EYS: variants seen among roughly 807,000 people sequenced by gnomAD.
The protein encoded by EYS is EGF-like photoreceptor maintenance factor.
Under a neutral mutation model 282.1 loss-of-function variants are expected in EYS, and 250 were observed. The observed-to-expected ratio is 0.89, with a 90% confidence interval of 0.80 to 0.98. EYS has a LOEUF of 0.98. EYS is among the 50% of genes least tolerant of loss of function. The pLI, the probability that EYS is intolerant of heterozygous loss-of-function variation, is 0.00. For missense variants in EYS, 4,016 were observed against 3,709.0 expected, an observed-to-expected ratio of 1.08 and a Z score of -2.15; for synonymous variants, 1,355 against 1,282.9, an observed-to-expected ratio of 1.06 and a Z score of -1.20.
At chr6:65,105,938 G>A (rs1298816412) in intron 12 of EYS, among the ~76,000 whole-genome samples, 3 of 151,902 alleles carry the variant, frequency 2.0e-5, no homozygotes, top group African/African-American at 7.2e-5. Flanking sequence ...AAGCAAAAAA[G>A]ATGAAAAAGT....
intron 12 of EYS, among the ~76,000 whole-genome samples, chr6:65,231,251 A>G (rs2150268226): frequency 6.7e-6 from 1 of 148,856 alleles, no homozygotes; most frequent in Non-Finnish European, 1.5e-5. Context: ...TTTAAGCAAT[A>G]ATATCCTGCA....
At chr6:65,329,903 A>G in intron 11 of EYS, 1 of 979,672 alleles carries the variant, frequency 1.0e-6, no homozygotes, top group South Asian at 4.7e-5. Context: ...TAGATTCTAC[A>G]CTTTGAAACA....
rs537953728 is a variant in EYS, at chr6:65,494,240, AT to A, written c.748+422del. Among the ~76,000 whole-genome samples the A allele has an allele frequency of 5.9e-5, 9 of 151,446 alleles. No individual in the cohort carries two copies. In the South Asian group the frequency reaches 1.7e-3, roughly 28 times the overall value. ...CAGCCAAATCCAAGGAATCTATTAA[AT>A]TTTTTATTTATTTTTATTTATTTAT... On this transcript the variant is annotated intron_variant, in intron 4 of 42. Coordinates refer to ENST00000503581, the MANE Select transcript of EYS (RefSeq NM_001142800.2).
At chr6:64,532,771 A>T (rs949621563) in intron 26 of EYS, among the ~76,000 whole-genome samples, 5 of 152,116 alleles carry the variant, frequency 3.3e-5, no homozygotes, top group African/African-American at 1.2e-4. Context: ...ATTTACTACA[A>T]TGTTTGTGAT....
chr6:64,589,658 CCTT>C (rs1478103901), intron 26 of EYS, among the ~76,000 whole-genome samples: 2 of 151,908 alleles, frequency 1.3e-5, no homozygotes, highest in Non-Finnish European at 2.9e-5. Context: ...GATATTATCT[CCTT>C]CAATTTTTGC....
At chr6:65,289,028 A>G (rs1344349113) in intron 12 of EYS, among the ~76,000 whole-genome samples, 1 of 151,040 alleles carries the variant, frequency 6.6e-6, no homozygotes, top group Non-Finnish European at 1.5e-5. Context: ...GAATGGATGA[A>G]ACAAATAAAA....
intron 26 of EYS, among the ~76,000 whole-genome samples, chr6:64,553,556 C>A (rs1056618232): frequency 1.5e-5 from 2 of 137,378 alleles, no homozygotes; most frequent in Non-Finnish European, 3.2e-5. Context: ...CCCCCCCCCC[C>A]CCATAGGCAG....
At chr6:63,744,119 G>C (rs565266618) in intron 41 of EYS, 1 of 152,182 alleles carries the variant, frequency 6.6e-6, no homozygotes, top group East Asian at 1.9e-4. Context: ...TATTTTAGTG[G>C]CTTCTCTTTT....
chr6:63,876,303 G>T (rs1454151161), intron 35 of EYS, among the ~76,000 whole-genome samples: 2 of 152,170 alleles, frequency 1.3e-5, no homozygotes, highest in East Asian at 3.9e-4. Context: ...TTTTAATCCT[G>T]TGTTCTGGTT....
At chr6:64,324,333 C>T (rs1298858498) in intron 29 of EYS, among the ~76,000 whole-genome samples, 1 of 152,136 alleles carries the variant, frequency 6.6e-6, no homozygotes, top group African/African-American at 2.4e-5. Flanking sequence ...TCAACATATG[C>T]AAATCAATAA....
intron 14 of EYS, among the ~76,000 whole-genome samples, chr6:64,960,459 T>C (rs926199245): frequency 4.6e-5 from 7 of 152,272 alleles, no homozygotes; most frequent in Admixed American, 4.6e-4. Flanking sequence ...GAATACAGTG[T>C]TTTGTATAAC....
chr6:65,203,886 T>G (rs537463111), intron 12 of EYS, among the ~76,000 whole-genome samples: 1 of 150,408 alleles, frequency 6.6e-6, no homozygotes, highest in Admixed American at 6.6e-5. Context: ...TTTAAATAAC[T>G]GGAAATAAAA....
chr6:65,328,673 G>A (rs560923240), intron 11 of EYS, among the ~76,000 whole-genome samples: 17 of 150,698 alleles, frequency 1.1e-4, no homozygotes, highest in African/African-American at 1.7e-4. Flanking sequence ...ATGATAGAAA[G>A]TAAAAAGCAG....
intron 5 of EYS, among the ~76,000 whole-genome samples, chr6:65,476,038 A>G (rs1765392255): frequency 6.6e-6 from 1 of 152,052 alleles, no homozygotes; most frequent in Admixed American, 6.6e-5. Flanking sequence ...TTTGTCAGGG[A>G]GAAGATATGA....
intron 24 of EYS, among the ~76,000 whole-genome samples, chr6:64,598,286 C>A (rs1162385): frequency 0.12 from 18,636 of 152,180 alleles, 1,183 homozygotes; most frequent in East Asian, 0.17. Context: ...CGGTGAAACC[C>A]CGTCCCTACT....
intron 12 of EYS, among the ~76,000 whole-genome samples, chr6:65,258,974 G>A (rs530903750): frequency 3.0e-4 from 46 of 152,056 alleles, no homozygotes; most frequent in Middle Eastern, 3.4e-3. Context: ...CTGGAGGGGA[G>A]TACAGAAGAA....
chr6:65,375,495 C>G (rs868603642), intron 8 of EYS, among the ~76,000 whole-genome samples: 2 of 152,030 alleles, frequency 1.3e-5, no homozygotes, highest in African/African-American at 4.8e-5. Context: ...CAAATGATCA[C>G]GACTCCTCTC....
intron 14 of EYS, among the ~76,000 whole-genome samples, chr6:64,979,954 A>G (rs1180095214): frequency 6.6e-6 from 1 of 151,584 alleles, no homozygotes; most frequent in South Asian, 2.1e-4. Context: ...GGATGTCACC[A>G]CAATAAGTGA....
intron 26 of EYS, among the ~76,000 whole-genome samples, chr6:64,528,810 C>T (rs1401135076): frequency 1.3e-5 from 2 of 151,948 alleles, no homozygotes; most frequent in Non-Finnish European, 2.9e-5. Context: ...ACAGAGCCTT[C>T]TAGAATAACA....
Sources: allele counts gnomAD v4.1 joint callset (sites outside exome capture counted in the v4.1 genomes callset), GRCh38; gene constraint gnomAD v4.1.1; transcripts MANE v1.5; gene names NCBI Gene and HGNC (gene_info 2026-07-23, HGNC 2026-07-21).